Variants in CHD6 observed in about 807,000 individuals in gnomAD.
The protein encoded by CHD6 is chromodomain helicase DNA binding protein 6.
A neutral mutation model predicts 276.9 loss-of-function variants in CHD6; 50 were observed. That is an observed-to-expected ratio of 0.18 (90% CI 0.14 to 0.23). The LOEUF is 0.23. CHD6 is among the 10% of genes least tolerant of loss of function. The probability of loss-of-function intolerance (pLI) is 1.00; values close to 1 mark genes in which losing one functional copy is unlikely to be tolerated. For missense variants in CHD6, 2,564 were observed against 3,365.8 expected, an observed-to-expected ratio of 0.76 and a Z score of 5.89; for synonymous variants, 1,173 against 1,229.3, an observed-to-expected ratio of 0.95 and a Z score of 0.96.
chr20:41,495,780 T>A (rs2043671211), intron 8 of CHD6, among the ~76,000 whole-genome samples: 1 of 152,210 alleles, frequency 6.6e-6, no homozygotes, highest in Non-Finnish European at 1.5e-5. Flanking sequence ...CAATAAAGCT[T>A]AAAACGGCAA....
intron 17 of CHD6, among the ~76,000 whole-genome samples, chr20:41,457,693 G>A (rs569718538): frequency 1.3e-4 from 20 of 152,278 alleles, no homozygotes; most frequent in African/African-American, 3.1e-4. Flanking sequence ...CTGTGCCCCC[G>A]CCCTGCTGTG....
At chr20:41,545,078 C>A (rs564345104) in intron 2 of CHD6, among the ~76,000 whole-genome samples, 35 of 152,256 alleles carry the variant, frequency 2.3e-4, no homozygotes, top group Non-Finnish European at 3.5e-4. Flanking sequence ...CTACGCAGCT[C>A]AACTTCTCCG....
At chr20:41,449,686 T>C (rs2048178040) in intron 23 of CHD6, among the ~76,000 whole-genome samples, 3 of 152,222 alleles carry the variant, frequency 2.0e-5, no homozygotes, top group African/African-American at 7.2e-5. Flanking sequence ...CCTTTTTTCT[T>C]TTTAAAAGTA....
intron 1 of CHD6, among the ~76,000 whole-genome samples, chr20:41,594,176 G>A (rs2045693739): frequency 6.6e-6 from 1 of 152,038 alleles, no homozygotes; most frequent in Non-Finnish European, 1.5e-5. Flanking sequence ...AGTATCAATA[G>A]TAAAGCACTG....
chr20:41,438,633 C>A (rs897614408), intron 26 of CHD6, among the ~76,000 whole-genome samples: 6 of 152,208 alleles, frequency 3.9e-5, no homozygotes, highest in Middle Eastern at 6.8e-3. Flanking sequence ...GAAATATTTG[C>A]GTCCCAAATA....
chr20:41,588,279 T>C (rs1042173753), intron 1 of CHD6, among the ~76,000 whole-genome samples: 3 of 152,146 alleles, frequency 2.0e-5, no homozygotes, highest in African/African-American at 7.2e-5. Flanking sequence ...CAATAAGAAT[T>C]TTATTTTCAC....
intron 1 of CHD6, among the ~76,000 whole-genome samples, chr20:41,600,324 A>C (rs1255815062): frequency 6.6e-6 from 1 of 152,240 alleles, no homozygotes; most frequent in Non-Finnish European, 1.5e-5. Flanking sequence ...TGCACTAAAG[A>C]AGCCAGATAC....
intron 17 of CHD6, among the ~76,000 whole-genome samples, chr20:41,464,891 A>G (rs1264776956): frequency 6.6e-6 from 1 of 152,246 alleles, no homozygotes; most frequent in Non-Finnish European, 1.5e-5. Flanking sequence ...TGTCAAAAAA[A>G]CACAGAAGCC....
rs116900643 is a variant in CHD6, at chr20:41,409,019, A to G, written c.7251+3125T>C. ...CTCTTGCTGAGAACCATGAGTGCAGACACAATGGTGGGTCCTTTCAGAAAT... is the reference window on the plus strand; with the variant it reads ...CTCTTGCTGAGAACCATGAGTGCAGGCACAATGGTGGGTCCTTTCAGAAAT... On this transcript the variant is annotated intron_variant, in intron 36 of 36. Coordinates refer to ENST00000373233, the MANE Select transcript of CHD6 (RefSeq NM_032221.5). Among the ~76,000 whole-genome samples, 203 of 152,382 alleles carry G rather than the reference A, an allele frequency of 1.3e-3. 1 individual carries two copies. The highest frequency in any genetic ancestry group is 2.1e-3 in the Non-Finnish European group (143 of 68,038).
chr20:41,437,139 T>C (rs1356952250), intron 27 of CHD6, 135 bp downstream of exon 27: 22 of 613,212 alleles, frequency 3.6e-5, no homozygotes, highest in Middle Eastern at 2.6e-4. Flanking sequence ...TTTAAGTTTT[T>C]ATAATAAAAT....
At position 41,488,511 on chromosome 20, in the gene CHD6, A is replaced by G. The variant is rs2043471520; in HGVS notation, c.1774T>C (p.Trp592Arg). 1 of 1,613,868 alleles carries G rather than the reference A, an allele frequency of 6.2e-7. No individual in the cohort carries two copies. The highest frequency in any genetic ancestry group is 8.5e-7 in the Non-Finnish European group (1 of 1,179,896). The part of the protein sequence containing the change: ...ADCPELKKIH[W>R]SCVIIDEAHR... Reference sequence around the variant, plus strand: ...GCTTCATCAATTATCACACAGCTCCAGTGAATCTTCTTCAACTCTGGGCAG... The same window carrying G: ...GCTTCATCAATTATCACACAGCTCCGGTGAATCTTCTTCAACTCTGGGCAG... The change falls in exon 13 of 37, where the codon TGG becomes CGG. Residue 592 changes from tryptophan (W) to arginine (R), a missense_variant. Trp to Arg is a moderately radical substitution (Grantham distance 101, BLOSUM62 -3). Transcript: ENST00000373233.
intron 1 of CHD6, among the ~76,000 whole-genome samples, chr20:41,590,453 C>G (rs1042060554): frequency 6.6e-6 from 1 of 152,154 alleles, no homozygotes; most frequent in Non-Finnish European, 1.5e-5. Context: ...AAAATTTTTA[C>G]AATCTACTCA....
At chr20:41,551,741 CAAT>C (rs2045149902) in intron 1 of CHD6, among the ~76,000 whole-genome samples, 1 of 152,028 alleles carries the variant, frequency 6.6e-6, no homozygotes, top group Admixed American at 6.6e-5. Flanking sequence ...AGAAAACAAT[CAAT>C]GATGTCTACA....
chr20:41,464,965 G>C (rs1321522942), intron 17 of CHD6, among the ~76,000 whole-genome samples: 2 of 152,064 alleles, frequency 1.3e-5, no homozygotes, highest in Non-Finnish European at 2.9e-5. Flanking sequence ...TAGAGTAATG[G>C]ATTATAAAAT....
At chr20:41,506,388 C>T (rs2043976726) in intron 5 of CHD6, among the ~76,000 whole-genome samples, 1 of 151,994 alleles carries the variant, frequency 6.6e-6, no homozygotes, top group Non-Finnish European at 1.5e-5. Context: ...TTCATGCATA[C>T]CAAGCATGCC....
chr20:41,433,330 AC>A (rs1037163959), intron 27 of CHD6, among the ~76,000 whole-genome samples: 6 of 152,202 alleles, frequency 3.9e-5, no homozygotes, highest in African/African-American at 1.4e-4. Flanking sequence ...ACTTCTGAAA[AC>A]TAAAGACAAA....
intron 1 of CHD6, among the ~76,000 whole-genome samples, chr20:41,560,382 T>C (rs1360032629): frequency 1.3e-5 from 2 of 152,222 alleles, no homozygotes; most frequent in Admixed American, 1.3e-4. Flanking sequence ...CAGGTCTTAT[T>C]CAGGCCCTGC....
intron 27 of CHD6, among the ~76,000 whole-genome samples, chr20:41,436,450 A>G (rs1005972880): frequency 2.0e-5 from 3 of 152,168 alleles, no homozygotes; most frequent in Non-Finnish European, 4.4e-5. Flanking sequence ...CTGGAAAACA[A>G]TTTGGCAATT....
chr20:41,476,869 AATGTGT>A (rs1205418408), intron 16 of CHD6, among the ~76,000 whole-genome samples: 1 of 152,188 alleles, frequency 6.6e-6, no homozygotes, highest in African/African-American at 2.4e-5. Context: ...TAAACATGTA[AATGTGT>A]ATGTATGTAT....
Sources: allele counts gnomAD v4.1 joint callset (sites outside exome capture counted in the v4.1 genomes callset), GRCh38; gene constraint gnomAD v4.1.1; transcripts MANE v1.5; gene names NCBI Gene and HGNC (gene_info 2026-07-23, HGNC 2026-07-21).